MAGI1: variants seen among roughly 807,000 people sequenced by gnomAD.
MAGI1 encodes the protein membrane-associated guanylate kinase, WW and PDZ domain-containing protein 1.
Under a neutral mutation model 139.9 loss-of-function variants are expected in MAGI1, and 58 were observed. The observed-to-expected ratio is 0.41, with a 90% confidence interval of 0.34 to 0.52. The LOEUF is 0.52. Among genes scored for constraint, MAGI1 ranks in the 20% least tolerant of loss-of-function variants. MAGI1 has a pLI of 0.12. For synonymous variants in MAGI1, 812 were observed against 737.9 expected (o/e 1.10, Z -1.63); for missense variants, 1,874 against 1,901.6 (o/e 0.99, Z 0.27).
chr3:65,908,553 G>C (rs575984073), intron 1 of MAGI1, among the ~76,000 whole-genome samples: 6 of 152,186 alleles, frequency 3.9e-5, no homozygotes, highest in Non-Finnish European at 8.8e-5. Context: ...CAAAGTGCTG[G>C]GATTAGAGGC....
intron 1 of MAGI1, among the ~76,000 whole-genome samples, chr3:65,630,297 T>C (rs910449634): frequency 1.3e-5 from 2 of 152,052 alleles, no homozygotes; most frequent in Admixed American, 6.6e-5. Context: ...GCAGAGACAA[T>C]TGTTAAGGTG....
At chr3:65,487,330 C>G (rs936647507) in intron 3 of MAGI1, among the ~76,000 whole-genome samples, 11 of 152,168 alleles carry the variant, frequency 7.2e-5, no homozygotes, top group Admixed American at 1.3e-4. Flanking sequence ...CCCATAAAGA[C>G]AGTGACCACA....
intron 1 of MAGI1, among the ~76,000 whole-genome samples, chr3:65,921,904 T>C (rs540821291): frequency 6.9e-6 from 1 of 145,202 alleles, no homozygotes; most frequent in South Asian, 2.3e-4. Context: ...AGACCCTATC[T>C]CCAACCACAC....
rs76039806 is a variant in MAGI1 at position 65,974,253 on chromosome 3, T to C, written c.313+63743A>G. On this transcript the variant is annotated intron_variant, in intron 1 of 22. Coordinates refer to ENST00000402939, the MANE Select transcript of MAGI1 (RefSeq NM_001033057.2). ...ACTATGCACTGTTCCTGGGAAATAG[T>C]AGGCCCTCAAACATTTGTTGAAAGC... Among the ~76,000 whole-genome samples, 910 of 151,394 alleles carry C rather than the reference T, an allele frequency of 6.0e-3. 4 individuals are homozygous for C. The highest frequency in any genetic ancestry group is 9.9e-3 in the Non-Finnish European group (675 of 67,884).
chr3:65,564,242 G>A (rs190450240), intron 2 of MAGI1, among the ~76,000 whole-genome samples: 26 of 151,670 alleles, frequency 1.7e-4, no homozygotes, highest in Admixed American at 1.6e-3. Context: ...TACGAAAATG[G>A]ATAACAAATC....
At position 65,746,979 on chromosome 3, in the gene MAGI1, T is replaced by C. The variant is rs559492356; in HGVS notation, c.314-124891A>G. Among the ~76,000 whole-genome samples the C allele has an allele frequency of 3.3e-5, 5 of 152,326 alleles. No individual in the cohort carries two copies. In the East Asian group the frequency reaches 9.6e-4, roughly 29 times the overall value. ...AACAGGGTGATCTAGTCTGGGCTAA[T>C]GGAAGACGCCTTGATGAGGCACATT... is the stretch of plus-strand genomic sequence containing the variant. On this transcript the variant is annotated intron_variant, in intron 1 of 22. Coordinates refer to ENST00000402939, the MANE Select transcript of MAGI1 (RefSeq NM_001033057.2).
At chr3:65,369,988 C>A (rs774987872) in intron 18 of MAGI1, among the ~76,000 whole-genome samples, 2 of 152,176 alleles carry the variant, frequency 1.3e-5, no homozygotes, top group African/African-American at 4.8e-5. Context: ...TCAACTATGT[C>A]CAACACGCTT....
At chr3:65,756,495 C>T (rs562291505) in intron 1 of MAGI1, among the ~76,000 whole-genome samples, 5 of 152,254 alleles carry the variant, frequency 3.3e-5, no homozygotes, top group Admixed American at 3.3e-4. Context: ...TAAAACCCTG[C>T]CCTAAGACAG....
At chr3:65,975,073 T>C (rs1207376351) in intron 1 of MAGI1, among the ~76,000 whole-genome samples, 1 of 130,648 alleles carries the variant, frequency 7.7e-6, no homozygotes, top group East Asian at 2.3e-4. Context: ...TTGCAAAGAT[T>C]AAAAGGGAAA....
intron 1 of MAGI1, among the ~76,000 whole-genome samples, chr3:65,972,354 G>T (rs2065053387): frequency 6.6e-6 from 1 of 152,224 alleles, no homozygotes; most frequent in African/African-American, 2.4e-5. Context: ...CTGGTTAATT[G>T]ACTACATCTT....
chr3:65,822,322 G>A (rs1039310467), intron 1 of MAGI1, among the ~76,000 whole-genome samples: 1 of 152,140 alleles, frequency 6.6e-6, no homozygotes, highest in Admixed American at 6.6e-5. Flanking sequence ...GAGGTCAGAA[G>A]TTTGAGACCA....
intron 3 of MAGI1, among the ~76,000 whole-genome samples, chr3:65,485,924 C>G (rs1951598538): frequency 6.6e-6 from 1 of 152,148 alleles, no homozygotes; most frequent in Non-Finnish European, 1.5e-5. Flanking sequence ...CAGCTCCCCC[C>G]ATCTTCATAA....
intron 1 of MAGI1, among the ~76,000 whole-genome samples, chr3:65,835,504 A>G (rs1353124744): frequency 6.6e-6 from 1 of 152,156 alleles, no homozygotes; most frequent in African/African-American, 2.4e-5. Context: ...TCCTAATCCC[A>G]TGCATTTGCA....
At chr3:65,889,248 A>C (rs531581695) in intron 1 of MAGI1, among the ~76,000 whole-genome samples, 1 of 152,352 alleles carries the variant, frequency 6.6e-6, no homozygotes, top group East Asian at 1.9e-4. Context: ...ATAAGCAAAG[A>C]AAGTAATCAT....
At chr3:65,952,561 T>C (rs2063916485) in intron 1 of MAGI1, among the ~76,000 whole-genome samples, 1 of 152,176 alleles carries the variant, frequency 6.6e-6, no homozygotes, top group South Asian at 2.1e-4. Flanking sequence ...GCGCCTGTAA[T>C]CCCAACACTT....
chr3:65,488,051 T>TCC (rs1333572661), intron 3 of MAGI1, among the ~76,000 whole-genome samples: 2 of 152,226 alleles, frequency 1.3e-5, no homozygotes, highest in African/African-American at 4.8e-5. Flanking sequence ...TCTTACAGGA[T>TCC]AGCAGTGGTT....
At chr3:65,737,325 ATGGATGGATGGACAGATGGACGGACGGG>A (rs1021883005) in intron 1 of MAGI1, among the ~76,000 whole-genome samples, 1 of 152,222 alleles carries the variant, frequency 6.6e-6, no homozygotes, top group Admixed American at 6.5e-5. Context: ...TTTAAAATGA[ATGGATGGATGGACAGATGGACGGACGGG>A]TGGATGGATG....
rs986548128 is a variant in MAGI1, at chr3:65,708,589, T to A, written c.314-86501A>T. On this transcript the variant is annotated intron_variant, in intron 1 of 22. Coordinates refer to ENST00000402939, the MANE Select transcript of MAGI1 (RefSeq NM_001033057.2). Reference sequence around the variant, plus strand: ...GGGGGCAGTCAGGTGGGCAAATCGGTCATTGGTGGTGGGGAGGAAAGAAAA... The same window carrying A: ...GGGGGCAGTCAGGTGGGCAAATCGGACATTGGTGGTGGGGAGGAAAGAAAA... Among the ~76,000 whole-genome samples, 14 of 151,822 alleles carry A rather than the reference T, an allele frequency of 9.2e-5. No individual in the cohort carries two copies. The Middle Eastern group carries it at 0.01, about 111-fold the overall frequency.
chr3:65,375,915 A>C lies in MAGI1; in HGVS notation c.3026T>G (p.Ile1009Arg). The change falls in exon 18 of 23, where the codon ATA becomes AGA. Residue 1009 changes from isoleucine (I) to arginine (R), a missense_variant. Ile to Arg is a moderately conservative substitution (Grantham distance 97). Transcript: ENST00000402939. ...GNACVAMPHK[I>R]GRIIEGSPAD... ...AGGGCTCCCCTCAATAATCCGACCT[A>C]TTTTGTGAGGCATAGCCACACATGC... is the stretch of plus-strand genomic sequence containing the variant. 6.2e-7 allele frequency: 1 copy of C among 1,614,040 alleles called. No individual in the cohort carries two copies. The highest frequency in any genetic ancestry group is 8.5e-7 in the Non-Finnish European group (1 of 1,179,966).
Sources: allele counts gnomAD v4.1 joint callset (sites outside exome capture counted in the v4.1 genomes callset), GRCh38; gene constraint gnomAD v4.1.1; transcripts MANE v1.5; gene names NCBI Gene and HGNC (gene_info 2026-07-23, HGNC 2026-07-21).